ERBB4: variants seen among roughly 807,000 people sequenced by gnomAD.
The protein encoded by ERBB4 is erb-b2 receptor tyrosine kinase 4, also known as receptor tyrosine-protein kinase erbB-4.
ERBB4 carries 42 observed loss-of-function variants against 158.0 expected under a neutral mutation model. The observed-to-expected ratio is 0.27, with a 90% confidence interval of 0.21 to 0.34. ERBB4 has a LOEUF of 0.34. ERBB4 is among the 10% of genes least tolerant of loss of function. The pLI is 1.00. For missense variants in ERBB4, 1,333 were observed against 1,624.1 expected (o/e 0.82, Z 3.08); for synonymous variants, 583 against 558.7 (o/e 1.04, Z -0.61).
intron 25 of ERBB4, among the ~76,000 whole-genome samples, chr2:211,399,921 C>T (rs77175994): frequency 0.02 from 3,044 of 152,208 alleles, 55 homozygotes; most frequent in East Asian, 0.083. Flanking sequence ...TACATATCAC[C>T]TAACTGCATT....
chr2:211,716,607 C>G (rs925732690), intron 7 of ERBB4, among the ~76,000 whole-genome samples: 1 of 150,816 alleles, frequency 6.6e-6, no homozygotes, highest in Non-Finnish European at 1.5e-5. Flanking sequence ...ACCCGGGAGG[C>G]GGAGCTTGCA....
Position 211,446,774 on chromosome 2 carries a change from T to G in ERBB4, c.2488-15674A>C, listed in dbSNP as rs377189557. Among the ~76,000 whole-genome samples the G allele has an allele frequency of 2.2e-4, 33 of 150,620 alleles. 1 individual carries two copies. The highest frequency in any genetic ancestry group is 8.0e-4 in the African/African-American group (33 of 41,364). On this transcript the variant is annotated intron_variant, in intron 20 of 27. Transcript: ENST00000342788. Reference sequence around the variant, plus strand: ...TAAAACAATGTGAATGAATTAGGTTTTTTTTAAAGCAAACTAAAAAGGTAG... The same window carrying G: ...TAAAACAATGTGAATGAATTAGGTTGTTTTTAAAGCAAACTAAAAAGGTAG...
intron 2 of ERBB4, among the ~76,000 whole-genome samples, chr2:211,951,880 G>A (rs1285979476): frequency 6.6e-6 from 1 of 152,024 alleles, no homozygotes; most frequent in Non-Finnish European, 1.5e-5. Context: ...GCATGTCTAA[G>A]CCATTTTGAA....
intron 16 of ERBB4, among the ~76,000 whole-genome samples, chr2:211,646,317 A>G (rs2070781272): frequency 6.6e-6 from 1 of 151,548 alleles, no homozygotes; most frequent in Admixed American, 6.6e-5. Flanking sequence ...AATCTTAAAA[A>G]ACAGAAAGAG....
chr2:211,962,508 G>C (rs1429098208), intron 2 of ERBB4, among the ~76,000 whole-genome samples: 1 of 152,112 alleles, frequency 6.6e-6, no homozygotes, highest in Non-Finnish European at 1.5e-5. Flanking sequence ...GTTAATGTAG[G>C]AGTCTATAAT....
chr2:212,206,453 T>G (rs2082747881), intron 1 of ERBB4, among the ~76,000 whole-genome samples: 2 of 152,204 alleles, frequency 1.3e-5, no homozygotes, highest in East Asian at 3.8e-4. Flanking sequence ...ATGCATGTAT[T>G]TCACGGTGAG....
chr2:212,127,432 A>G (rs1276808210), intron 1 of ERBB4, among the ~76,000 whole-genome samples: 1 of 152,134 alleles, frequency 6.6e-6, no homozygotes, highest in Non-Finnish European at 1.5e-5. Context: ...CTCAACTAAA[A>G]ATACAAACAA....
Position 212,082,248 on chromosome 2 carries a change from A to G in ERBB4, c.234+42504T>C, listed in dbSNP as rs942156092. 4.9e-4 allele frequency among the ~76,000 whole-genome samples: 74 copies of G among 152,096 alleles called. 2 individuals carry two copies. Among genetic ancestry groups the G allele is most frequent in the Non-Finnish European group, 2.9e-5 (2 of 67,978 alleles). On this transcript the variant is annotated intron_variant, in intron 2 of 27. Coordinates refer to ENST00000342788, the MANE Select transcript of ERBB4 (RefSeq NM_005235.3). Reference sequence around the variant, plus strand: ...TATATAGAAATTATTTCATTTAAGTATAAATTGTTAAATATTTATATGGTC... The same window carrying G: ...TATATAGAAATTATTTCATTTAAGTGTAAATTGTTAAATATTTATATGGTC...
In ERBB4 at chr2:211,527,609, AAAAGAT is replaced by A. The variant is rs1253111852; in HGVS notation, c.2487+34288_2487+34293del. 9.2e-5 allele frequency among the ~76,000 whole-genome samples: 14 copies of A among 152,228 alleles called. No homozygotes were observed. In the South Asian group the frequency reaches 1.4e-3, roughly 16 times the overall value. The stretch of plus-strand genomic sequence containing the variant: ...CACTCTTATTTTAAGTAGAAGGACT[AAAAGAT>A]AAAGCAATCAAAAATAATAACTACA... On this transcript the variant is annotated intron_variant, in intron 20 of 27. Coordinates refer to ENST00000342788, the MANE Select transcript of ERBB4 (RefSeq NM_005235.3).
At chr2:211,627,185 T>C (rs1456559339) in intron 17 of ERBB4, among the ~76,000 whole-genome samples, 1 of 152,174 alleles carries the variant, frequency 6.6e-6, no homozygotes, top group African/African-American at 2.4e-5. Context: ...AATACTTCAT[T>C]TCCAGAATTC....
At chr2:211,489,770 T>TATTCATTC (rs60793660) in intron 20 of ERBB4, among the ~76,000 whole-genome samples, 7,956 of 151,418 alleles carry the variant, frequency 0.053, 714 homozygotes, top group African/African-American at 0.18. Flanking sequence ...AGTACTAATG[T>TATTCATTC]ATTCATTCAT....
chr2:211,489,496 A>T (rs1202982947), intron 20 of ERBB4, among the ~76,000 whole-genome samples: 1 of 152,050 alleles, frequency 6.6e-6, no homozygotes, highest in Non-Finnish European at 1.5e-5. Flanking sequence ...GCTGGCTATT[A>T]TAGTTATTAT....
intron 3 of ERBB4, among the ~76,000 whole-genome samples, chr2:211,861,350 GTTTT>G (rs67133944): frequency 0.034 from 2,985 of 88,984 alleles, 147 homozygotes; most frequent in African/African-American, 0.12. Flanking sequence ...TTTTTTTTTT[GTTTT>G]TTTTTTTTTT....
chr2:211,604,675 C>G (rs1247492418), intron 19 of ERBB4, among the ~76,000 whole-genome samples: 1 of 152,172 alleles, frequency 6.6e-6, no homozygotes, highest in Non-Finnish European at 1.5e-5. Context: ...TATTTTTCAA[C>G]AGATTGTTTG....
chr2:211,943,538 T>G (rs1231153779), intron 3 of ERBB4, among the ~76,000 whole-genome samples: 1 of 152,028 alleles, frequency 6.6e-6, no homozygotes, highest in Non-Finnish European at 1.5e-5. Flanking sequence ...GATGGAAGTA[T>G]AACCTCTCCA....
At chr2:211,535,120 T>C (rs1044846102) in intron 20 of ERBB4, among the ~76,000 whole-genome samples, 1 of 152,114 alleles carries the variant, frequency 6.6e-6, no homozygotes, top group African/African-American at 2.4e-5. Flanking sequence ...GAAAATTTGA[T>C]GTATTTGTTC....
At chr2:211,778,627 G>T (rs2075955128) in intron 4 of ERBB4, 1 of 152,126 alleles carries the variant, frequency 6.6e-6, no homozygotes, top group African/African-American at 2.4e-5. Flanking sequence ...GGAAGCCGGC[G>T]CTGGAACCGG....
intron 20 of ERBB4, among the ~76,000 whole-genome samples, chr2:211,437,845 T>C (rs1055500058): frequency 3.3e-5 from 5 of 152,206 alleles, no homozygotes; most frequent in African/African-American, 1.2e-4. Context: ...CTCCTTTTTT[T>C]CTACCTTTCC....
intron 3 of ERBB4, among the ~76,000 whole-genome samples, chr2:211,916,855 C>T (rs919766153): frequency 1.3e-5 from 2 of 152,066 alleles, no homozygotes; most frequent in African/African-American, 4.8e-5. Context: ...ATATTTTCTT[C>T]TTAAGAATAT....
Sources: allele counts gnomAD v4.1 joint callset (sites outside exome capture counted in the v4.1 genomes callset), GRCh38; gene constraint gnomAD v4.1.1; transcripts MANE v1.5; gene names NCBI Gene and HGNC (gene_info 2026-07-23, HGNC 2026-07-21).